The following TMX1 variants were observed in gnomAD, a reference collection of about 807,000 sequenced individuals.
TMX1 encodes thioredoxin related transmembrane protein 1, also known as thioredoxin-related transmembrane protein 1.
In TMX1, 25 loss-of-function variants were observed where a neutral mutation model predicts 36.6. That is an observed-to-expected ratio of 0.68 (90% CI 0.50 to 0.95). The LOEUF is 0.95. Ranked by LOEUF, TMX1 falls within the 40% of genes least tolerant of loss-of-function variation. The pLI is 0.00. For missense variants in TMX1, 347 were observed against 339.6 expected, an observed-to-expected ratio of 1.02 and a Z score of -0.17; for synonymous variants, 133 against 118.0, an observed-to-expected ratio of 1.13 and a Z score of -0.82.
intron 3 of TMX1, among the ~76,000 whole-genome samples, chr14:51,246,129 A>C (rs953414401): frequency 1.3e-5 from 2 of 152,004 alleles, no homozygotes; most frequent in African/African-American, 4.8e-5. Flanking sequence ...ACATCTATAT[A>C]AATTTCTGTT....
At chr14:51,243,520 G>C (rs1489186270) in intron 1 of TMX1, among the ~76,000 whole-genome samples, 1 of 152,152 alleles carries the variant, frequency 6.6e-6, no homozygotes, top group African/African-American at 2.4e-5. Flanking sequence ...TATTAAAATT[G>C]GTAAGCTCTA....
chr14:51,243,890 C>A lies in TMX1; in HGVS notation c.187C>A (p.Gln63Lys). The A allele has an allele frequency of 6.2e-7, 1 of 1,611,026 alleles. No homozygotes were observed. Among genetic ancestry groups the A allele is most frequent in the Non-Finnish European group, 8.5e-7 (1 of 1,178,498 alleles). The change falls in exon 2 of 8, where the codon CAA becomes AAA. Residue 63 changes from glutamine to lysine, a missense_variant. Physicochemically the swap from Gln to Lys is moderately conservative, Grantham distance 53 (BLOSUM62 1). Coordinates refer to ENST00000457354, the MANE Select transcript of TMX1 (RefSeq NM_030755.5). The part of the protein sequence containing the change: ...APWCPACQNL[Q>K]PEWESFAEWG... ...GTGGTGCCCTGCTTGTCAAAATCTTCAACCGGAATGGGAAAGTTTTGCTGA... is the reference window on the plus strand; with the variant it reads ...GTGGTGCCCTGCTTGTCAAAATCTTAAACCGGAATGGGAAAGTTTTGCTGA...
In TMX1 at chr14:51,257,445, A is replaced by T. The variant is rs959157044; in HGVS notation, c.*2926A>T. On this transcript the variant is annotated 3_prime_UTR_variant, in exon 8 of 8. Transcript: ENST00000457354. Reference sequence around the variant, plus strand: ...GAGTTCTTACAATATATTACTTTCAATATAGGTATTTTATTAATAAGAATT... The same window carrying T: ...GAGTTCTTACAATATATTACTTTCATTATAGGTATTTTATTAATAAGAATT... The T allele has an allele frequency of 6.6e-6, 1 of 152,184 alleles. No individual in the cohort carries two copies. The highest frequency in any genetic ancestry group is 2.4e-5 in the African/African-American group (1 of 41,446). The allele number at this position is 152,184 out of a possible 1,614,324, so 9.4% of individuals were successfully genotyped here.
At chr14:51,243,789 T>TA in intron 1 of TMX1, 67 bp from the exon 2 acceptor site, 3 of 1,055,026 alleles carry the variant, frequency 2.8e-6, no homozygotes, top group Non-Finnish European at 3.8e-6. Flanking sequence ...TTTAAATTTT[T>TA]TATCCCAAGA....
intron 7 of TMX1, among the ~76,000 whole-genome samples, chr14:51,250,778 A>C (rs531266625): frequency 3.3e-5 from 5 of 152,248 alleles, no homozygotes; most frequent in Non-Finnish European, 7.3e-5. Context: ...GGCGTGAGCC[A>C]CTGCGCCCAG....
rs576480581 is a variant in TMX1, at chr14:51,242,348, G to T, written c.153-1508G>T. On this transcript the variant is annotated intron_variant, in intron 1 of 7. Transcript: ENST00000457354. ...CAATATATTAAGCAATAGTGATCGT[G>T]TGTGTATATGCAAAATACAGTCAAG... 7.9e-5 allele frequency among the ~76,000 whole-genome samples: 12 copies of T among 152,252 alleles called. No homozygotes were observed. The South Asian group carries it at 2.5e-3, about 32-fold the overall frequency.
intron 2 of TMX1, among the ~76,000 whole-genome samples, chr14:51,244,867 A>G (rs1377992454): frequency 6.6e-6 from 1 of 152,066 alleles, no homozygotes; most frequent in Non-Finnish European, 1.5e-5. Flanking sequence ...AGCTGCTATT[A>G]TTTTTGCCTG....
chr14:51,242,701 C>T (rs376864371), intron 1 of TMX1, among the ~76,000 whole-genome samples: 11 of 151,876 alleles, frequency 7.2e-5, no homozygotes, highest in African/African-American at 2.4e-4. Context: ...GTCTTGAGCC[C>T]GGGAGGTTGA....
chr14:51,243,678 C>T (rs951765524), intron 1 of TMX1, among the ~76,000 whole-genome samples, 178 bp from the exon 2 acceptor site: 4 of 152,088 alleles, frequency 2.6e-5, no homozygotes, highest in East Asian at 3.9e-4. Flanking sequence ...TCTTGATTTC[C>T]GGATTGTTAG....
Position 51,240,275 on chromosome 14 carries a change from A to C in TMX1, c.-18A>C. 6.2e-7 allele frequency: 1 copy of C among 1,606,678 alleles called. No individual in the cohort carries two copies. The highest frequency in any genetic ancestry group is 8.5e-7 in the Non-Finnish European group (1 of 1,179,172). On this transcript the variant is annotated 5_prime_UTR_variant, in exon 1 of 8. Transcript: ENST00000457354. ...GGGAGCTGCGACCGCGCTCCCTGTG[A>C]GGTGGGCAAGCGGCGAAATGGCGCC...
chr14:51,254,365 A>G lies in TMX1; in HGVS notation c.689A>G (p.Gln230Arg). Reference sequence around the variant, plus strand: ...GAAAAATTATTATCAGAATCTGCACAACCTTTGAAAAAAGTGGAGGAGGAA... The same window carrying G: ...GAAAAATTATTATCAGAATCTGCACGACCTTTGAAAAAAGTGGAGGAGGAA... ...PSKKLLSESA[Q>R]PLKKVEEEQE... Residue 230 changes from glutamine (Q) to arginine (R), a missense_variant, in exon 8 of 8, where the codon CAA becomes CGA. Physicochemically the swap from Gln to Arg is conservative, Grantham distance 43. Coordinates refer to ENST00000457354, the MANE Select transcript of TMX1 (RefSeq NM_030755.5). The G allele has an allele frequency of 6.2e-7, 1 of 1,606,226 alleles. No individual in the cohort carries two copies. Among genetic ancestry groups the G allele is most frequent in the South Asian group, 1.1e-5 (1 of 89,434 alleles).
Position 51,256,206 on chromosome 14 carries a change from T to G in TMX1, c.*1687T>G, listed in dbSNP as rs1308019176. The G allele has an allele frequency of 1.3e-5, 2 of 152,322 alleles. No homozygotes were observed. The highest frequency in any genetic ancestry group is 2.9e-5 in the Non-Finnish European group (2 of 67,994). The allele number at this position is 152,322 out of a possible 1,614,324, so 9.4% of individuals were successfully genotyped here. On this transcript the variant is annotated 3_prime_UTR_variant, in exon 8 of 8. Transcript: ENST00000457354. ...CTATTGAGATGTTTAAGGACAGTAA[T>G]GCTCATTAATCAAGCATTTTTTTTT...
At chr14:51,242,641 G>A (rs1234853065) in intron 1 of TMX1, among the ~76,000 whole-genome samples, 2 of 152,174 alleles carry the variant, frequency 1.3e-5, no homozygotes, top group East Asian at 1.9e-4. Flanking sequence ...TTAGCTGGGC[G>A]TGTGGGCAGG....
In TMX1 at chr14:51,255,641, T is replaced by C. The variant is rs1372989078; in HGVS notation, c.*1122T>C. On this transcript the variant is annotated 3_prime_UTR_variant, in exon 8 of 8. Transcript: ENST00000457354. ...TTTAAAATAATAACATTTTTATATT[T>C]TTTAAAAGACAAACTTCATATTATC... 6.6e-6 allele frequency: 1 copy of C among 152,102 alleles called. No individual in the cohort carries two copies. Among genetic ancestry groups the C allele is most frequent in the African/African-American group, 2.4e-5 (1 of 41,466 alleles). The allele number at this position is 152,102 out of a possible 1,614,324, so 9.4% of individuals were successfully genotyped here. A position where few individuals can be genotyped will look rare whatever the true frequency, so the allele number is the denominator to read the frequency against.
At position 51,256,061 on chromosome 14, in the gene TMX1, A is replaced by AT. The variant is rs1197596037; in HGVS notation, c.*1545dup. ...TTCATTAAAGCTGAAGACCAGTATG[A>AT]TTTCTGGTTGCTTTTTGAAGGTATG... On this transcript the variant is annotated 3_prime_UTR_variant, in exon 8 of 8. Transcript: ENST00000457354. 1 of 152,530 alleles carries AT rather than the reference A, an allele frequency of 6.6e-6. No individual in the cohort carries two copies. Among genetic ancestry groups the AT allele is most frequent in the African/African-American group, 2.4e-5 (1 of 41,438 alleles). The allele number at this position is 152,530 out of a possible 1,614,324, so 9.4% of individuals were successfully genotyped here. A position where few individuals can be genotyped will look rare whatever the true frequency, so the allele number is the denominator to read the frequency against.
At chr14:51,254,318 C>T in intron 7 of TMX1, 23 bp from the exon 8 acceptor site, 3 of 1,565,014 alleles carry the variant, frequency 1.9e-6, no homozygotes, top group Non-Finnish European at 1.7e-6. Flanking sequence ...AACAAAAATA[C>T]ATTTTTGGTC....
chr14:51,242,975 T>C (rs908591513), intron 1 of TMX1, among the ~76,000 whole-genome samples: 3 of 152,186 alleles, frequency 2.0e-5, no homozygotes, highest in African/African-American at 7.2e-5. Flanking sequence ...CAGTTTGTCT[T>C]GTTCTACAAT....
At chr14:51,253,152 C>T (rs556404422) in intron 7 of TMX1, among the ~76,000 whole-genome samples, 46 of 152,300 alleles carry the variant, frequency 3.0e-4, no homozygotes, top group Non-Finnish European at 5.6e-4. Context: ...TCAGCCTTGA[C>T]ACTATTGACG....
rs958290099 is a variant in TMX1, at chr14:51,255,694, G to A, written c.*1175G>A. Reference sequence around the variant, plus strand: ...GTGTTCTTTCCTGACTGGTAATATTGTGTGGGATTTCACAGGTAAAAGTCA... The same window carrying A: ...GTGTTCTTTCCTGACTGGTAATATTATGTGGGATTTCACAGGTAAAAGTCA... On this transcript the variant is annotated 3_prime_UTR_variant, in exon 8 of 8. Transcript: ENST00000457354. The A allele has an allele frequency of 2.6e-5, 4 of 151,992 alleles. No homozygotes were observed. The highest frequency in any genetic ancestry group is 9.7e-5 in the African/African-American group (4 of 41,416). 9.4% of individuals were successfully genotyped at this position (151,992 alleles called of 1,614,324 possible). A position where few individuals can be genotyped will look rare whatever the true frequency, so the allele number is the denominator to read the frequency against.
Sources: allele counts gnomAD v4.1 joint callset (sites outside exome capture counted in the v4.1 genomes callset), GRCh38; gene constraint gnomAD v4.1.1; transcripts MANE v1.5; gene names NCBI Gene and HGNC (gene_info 2026-07-23, HGNC 2026-07-21).